Variants in GALNT17 observed in about 807,000 individuals in gnomAD.
GALNT17 encodes the protein polypeptide N-acetylgalactosaminyltransferase 17.
A neutral mutation model predicts 63.7 loss-of-function variants in GALNT17; 29 were observed. The ratio of observed to expected loss-of-function variants is 0.46; its 90% confidence interval spans 0.34 to 0.62. The LOEUF (loss-of-function observed/expected upper bound fraction) is 0.62, where lower values mean the gene tolerates loss of function less well. GALNT17 is among the 20% of genes least tolerant of loss of function. GALNT17 has a pLI of 0.01. For synonymous variants in GALNT17, 305 were observed against 318.3 expected, an observed-to-expected ratio of 0.96 and a Z score of 0.45; for missense variants, 603 against 799.6, an observed-to-expected ratio of 0.75 and a Z score of 2.97.
chr7:71,277,559 A>G (rs181820649), intron 1 of GALNT17, among the ~76,000 whole-genome samples: 10 of 152,380 alleles, frequency 6.6e-5, no homozygotes. Context: ...ACAGTATATG[A>G]CATGTCACAT....
At chr7:71,371,873 G>A (rs572547681) in intron 2 of GALNT17, among the ~76,000 whole-genome samples, 23 of 152,278 alleles carry the variant, frequency 1.5e-4, no homozygotes, top group African/African-American at 5.3e-4. Context: ...TACCTTCTAG[G>A]TATTTATTCT....
At chr7:71,229,786 G>A (rs12333866) in intron 1 of GALNT17, among the ~76,000 whole-genome samples, 28,878 of 152,072 alleles carry the variant, frequency 0.19, 4,992 homozygotes, top group African/African-American at 0.46. Flanking sequence ...TGGACCCTCC[G>A]CCTCCACCTA....
chr7:71,176,763 C>T (rs200623032), intron 1 of GALNT17, among the ~76,000 whole-genome samples: 1 of 152,192 alleles, frequency 6.6e-6, no homozygotes, highest in East Asian at 1.9e-4. Context: ...TGTCCCCAAG[C>T]CTGCTGGGGA....
chr7:71,211,100 A>G (rs1789366283), intron 1 of GALNT17, among the ~76,000 whole-genome samples: 1 of 152,142 alleles, frequency 6.6e-6, no homozygotes, highest in Admixed American at 6.5e-5. Flanking sequence ...ACCACAACAG[A>G]GATTCTATCA....
intron 1 of GALNT17, among the ~76,000 whole-genome samples, chr7:71,230,363 C>T (rs1789764916): frequency 6.6e-6 from 1 of 152,054 alleles, no homozygotes; most frequent in African/African-American, 2.4e-5. Flanking sequence ...AGGTCAAGGC[C>T]CCCCTCATGG....
At chr7:71,216,751 C>T (rs1211152251) in intron 1 of GALNT17, among the ~76,000 whole-genome samples, 2 of 151,884 alleles carry the variant, frequency 1.3e-5, no homozygotes, top group African/African-American at 4.8e-5. Context: ...CACAAATGCA[C>T]ATATATACAC....
chr7:71,572,760 C>A (rs1370176319), intron 6 of GALNT17, among the ~76,000 whole-genome samples: 7 of 152,002 alleles, frequency 4.6e-5, no homozygotes, highest in Admixed American at 3.9e-4. Flanking sequence ...AGAAATGATT[C>A]ATTTTGCTTT....
At chr7:71,456,655 G>A (rs999893521) in intron 5 of GALNT17, among the ~76,000 whole-genome samples, 5 of 151,938 alleles carry the variant, frequency 3.3e-5, no homozygotes, top group African/African-American at 1.2e-4. Context: ...ACTCTTGGCG[G>A]AGGCTGCAGA....
chr7:71,187,772 A>G (rs1456615778), intron 1 of GALNT17, among the ~76,000 whole-genome samples: 1 of 152,120 alleles, frequency 6.6e-6, no homozygotes, highest in Non-Finnish European at 1.5e-5. Flanking sequence ...CTTTTGGGGA[A>G]CAGGTGGTAT....
intron 5 of GALNT17, among the ~76,000 whole-genome samples, chr7:71,434,286 C>G (rs1448257376): frequency 6.6e-6 from 1 of 152,154 alleles, no homozygotes; most frequent in African/African-American, 2.4e-5. Context: ...TGAGTCCTGT[C>G]CCTCTAGAGA....
At chr7:71,533,585 C>T (rs1461375265) in intron 5 of GALNT17, among the ~76,000 whole-genome samples, 1 of 152,154 alleles carries the variant, frequency 6.6e-6, no homozygotes, top group Non-Finnish European at 1.5e-5. Flanking sequence ...CTGGAAGCTT[C>T]CTTCATGGAA....
intron 1 of GALNT17, among the ~76,000 whole-genome samples, chr7:71,242,259 T>TC (rs1240415356): frequency 7.6e-6 from 1 of 132,404 alleles, no homozygotes; most frequent in Non-Finnish European, 1.6e-5. Context: ...TTTTTTTTTT[T>TC]CTTTTTCTTT....
intron 2 of GALNT17, among the ~76,000 whole-genome samples, chr7:71,377,903 C>G (rs992512636): frequency 2.0e-5 from 3 of 152,142 alleles, no homozygotes; most frequent in Non-Finnish European, 4.4e-5. Flanking sequence ...TGTAAGTTTC[C>G]TGAGGCCTTC....
intron 5 of GALNT17, among the ~76,000 whole-genome samples, chr7:71,455,483 G>A (rs1190436836): frequency 7.3e-6 from 1 of 136,550 alleles, no homozygotes; most frequent in Non-Finnish European, 1.6e-5. Context: ...ATTTTCCAGG[G>A]TTTTGTTTTG....
intron 6 of GALNT17, among the ~76,000 whole-genome samples, chr7:71,582,726 A>C (rs1789654760): frequency 6.6e-6 from 1 of 152,208 alleles, no homozygotes; most frequent in Admixed American, 6.5e-5. Flanking sequence ...ATGGAAAACC[A>C]AAGATCGTGT....
At chr7:71,309,368 T>C (rs1212694669) in intron 1 of GALNT17, among the ~76,000 whole-genome samples, 2 of 152,028 alleles carry the variant, frequency 1.3e-5, no homozygotes, top group East Asian at 3.9e-4. Flanking sequence ...GCTTCTTCCT[T>C]ATGTGAGTTG....
chr7:71,348,545 G>A (rs1288933462), intron 2 of GALNT17, among the ~76,000 whole-genome samples: 1 of 152,170 alleles, frequency 6.6e-6, no homozygotes, highest in Non-Finnish European at 1.5e-5. Context: ...TCCTGTTTAT[G>A]CAAATGGATC....
chr7:71,258,082 C>A (rs1200844547), intron 1 of GALNT17, among the ~76,000 whole-genome samples: 1 of 152,202 alleles, frequency 6.6e-6, no homozygotes, highest in Non-Finnish European at 1.5e-5. Context: ...CCAAAGGCCA[C>A]CCTCTTCCTT....
chr7:71,710,132 A>T (rs544309002), intron 9 of GALNT17, among the ~76,000 whole-genome samples: 3 of 152,318 alleles, frequency 2.0e-5, no homozygotes, highest in African/African-American at 7.2e-5. Flanking sequence ...GAAATTAGAC[A>T]TCCAGCTTCT....
Sources: gnomAD v4.1 joint callset for allele counts (sites outside exome capture counted in the v4.1 genomes callset) on GRCh38, gnomAD v4.1.1 for gene constraint, MANE v1.5 for transcripts, NCBI Gene and HGNC (gene_info 2026-07-23, HGNC 2026-07-21) for gene names.